Variants in TBC1D4 observed in about 807,000 individuals in gnomAD.
The protein encoded by TBC1D4 is TBC (Tre-2, BUB2, CDC16) domain-containing protein.
A neutral mutation model predicts 142.5 loss-of-function variants in TBC1D4; 121 were observed. The observed-to-expected ratio is 0.85, with a 90% CI of 0.73 to 0.99. The LOEUF is 0.99. Ranked by LOEUF, TBC1D4 falls within the 50% of genes least tolerant of loss-of-function variation. TBC1D4 has a pLI of 0.00. For synonymous variants in TBC1D4, 630 were observed against 628.2 expected (o/e 1.00, Z -0.04); for missense variants, 1,475 against 1,606.6 (o/e 0.92, Z 1.40).
intron 8 of TBC1D4, among the ~76,000 whole-genome samples, chr13:75,330,919 G>A (rs796552607): frequency 6.6e-6 from 1 of 152,104 alleles, no homozygotes; most frequent in Admixed American, 6.5e-5. Flanking sequence ...CTACTTACAC[G>A]CCCACCTGCC....
intron 16 of TBC1D4, 87 bp from the exon 17 acceptor site, chr13:75,299,661 A>G (rs189637577): frequency 2.0e-6 from 3 of 1,487,908 alleles, no homozygotes; most frequent in East Asian, 4.6e-5. Context: ...GACCTCCAAG[A>G]ATAAACAGAC....
intron 8 of TBC1D4, among the ~76,000 whole-genome samples, chr13:75,332,773 T>C (rs1034125577): frequency 6.6e-6 from 1 of 152,224 alleles, no homozygotes; most frequent in Admixed American, 6.5e-5. Flanking sequence ...GCATTCACAA[T>C]TGATCATGCT....
chr13:75,463,668 C>T (rs1304025939), intron 1 of TBC1D4, among the ~76,000 whole-genome samples: 1 of 152,130 alleles, frequency 6.6e-6, no homozygotes, highest in Admixed American at 6.5e-5. Flanking sequence ...TTAGAAATCA[C>T]AATTACTGAT....
chr13:75,356,411 G>A (rs1452780914), intron 3 of TBC1D4, among the ~76,000 whole-genome samples, 160 bp from the exon 4 acceptor site: 1 of 152,130 alleles, frequency 6.6e-6, no homozygotes, highest in Non-Finnish European at 1.5e-5. Flanking sequence ...CTCATGCAGT[G>A]GCCTGTTGAT....
At chr13:75,355,562 A>G (rs190613623) in intron 4 of TBC1D4, among the ~76,000 whole-genome samples, 1 of 152,330 alleles carries the variant, frequency 6.6e-6, no homozygotes, top group Admixed American at 6.5e-5. Context: ...TCTCCTTCAC[A>G]GCAATGAAGG....
At chr13:75,427,523 T>C (rs1406022809) in intron 1 of TBC1D4, among the ~76,000 whole-genome samples, 15 of 152,110 alleles carry the variant, frequency 9.9e-5, no homozygotes, top group Non-Finnish European at 7.3e-5. Flanking sequence ...GTCTCTATTT[T>C]TGAATTAAAT....
intron 14 of TBC1D4, among the ~76,000 whole-genome samples, chr13:75,309,189 T>G (rs2137924268): frequency 6.6e-6 from 1 of 152,280 alleles, no homozygotes; most frequent in South Asian, 2.1e-4. Flanking sequence ...ATTTATACAT[T>G]TTTTTGGATT....
chr13:75,461,527 T>C (rs908904646), intron 1 of TBC1D4, among the ~76,000 whole-genome samples: 1 of 152,260 alleles, frequency 6.6e-6, no homozygotes, highest in Non-Finnish European at 1.5e-5. Context: ...ACTATGATTA[T>C]ATTTCTAAGG....
At chr13:75,374,484 A>G (rs1401379080) in intron 1 of TBC1D4, among the ~76,000 whole-genome samples, 1 of 152,194 alleles carries the variant, frequency 6.6e-6, no homozygotes, top group Non-Finnish European at 1.5e-5. Flanking sequence ...TTTTCAGGGC[A>G]TAATAGCCTT....
chr13:75,362,463 T>C lies in TBC1D4; in HGVS notation c.643A>G (p.Lys215Glu). 1 of 1,614,226 alleles carries C rather than the reference T, an allele frequency of 6.2e-7. No homozygotes were observed. Among genetic ancestry groups the C allele is most frequent in the Non-Finnish European group, 8.5e-7 (1 of 1,180,038 alleles). ...TCGATGAGGCTTGAGGGGGCCTTCT[T>C]GTGGGTCACGGTCACCTTTCCACAG... ...LYCGKVTVTH[K>E]KAPSSLIDDC... Residue 215 changes from lysine (K) to glutamate (E), a missense_variant, in exon 2 of 21, where the codon AAG (lysine) becomes GAG (glutamate). Coordinates refer to ENST00000377636, the MANE Select transcript of TBC1D4 (RefSeq NM_014832.5). The surrounding 1 kb of genome is among the most constrained non-coding windows in gnomAD (Gnocchi z 4.2).
chr13:75,292,362 G>T, intron 18 of TBC1D4, 91 bp from the exon 19 acceptor site: 1 of 1,150,994 alleles, frequency 8.7e-7, no homozygotes, highest in Non-Finnish European at 1.2e-6. Context: ...TTGTTTACTT[G>T]TTTTATGTAT....
At chr13:75,382,653 T>C (rs978734062) in intron 1 of TBC1D4, among the ~76,000 whole-genome samples, 9 of 152,226 alleles carry the variant, frequency 5.9e-5, no homozygotes, top group African/African-American at 2.2e-4. Flanking sequence ...GAATTTTGTT[T>C]TTCAACTGTT....
chr13:75,390,277 CAA>C (rs36168056), intron 1 of TBC1D4, among the ~76,000 whole-genome samples: 78 of 112,266 alleles, frequency 6.9e-4, no homozygotes, highest in African/African-American at 1.8e-3. Context: ...GAGACTCCGT[CAA>C]AAAAAAAAAA....
In TBC1D4 at chr13:75,362,381, T is replaced by C. The variant is rs1180834278; in HGVS notation, c.725A>G (p.Glu242Gly). The C allele has an allele frequency of 4.3e-6, 7 of 1,614,210 alleles. No individual in the cohort carries two copies. Among genetic ancestry groups the C allele is most frequent in the Non-Finnish European group, 5.9e-6 (7 of 1,180,028 alleles). The change falls in exon 2 of 21, where the codon GAG (glutamate) becomes GGG (glycine). Residue 242 changes from glutamate (E) to glycine (G), a missense_variant. By Grantham distance (98) the Glu-to-Gly change is moderately conservative. Around this residue, in one of 2 missense-constraint regions of TBC1D4, gnomAD observed 1,227 missense variants for 1,267.7 expected, o/e 0.97. Transcript: ENST00000377636. The surrounding 1 kb of genome is among the most constrained non-coding windows in gnomAD (Gnocchi z 4.2). ...CTCTCCTGGGTCCGGACCGCGCTGC[T>C]CCCCTTGGATCTTCAGGCGCTGCTG... ...HEQQRLKIQG[E>G]QRGPDPGEDL...
rs1874736869 is a variant in TBC1D4 at position 75,286,906 on chromosome 13, T to C, written c.3783A>G (p.Thr1261=). 6.2e-7 allele frequency: 1 copy of C among 1,613,932 alleles called. No individual in the cohort carries two copies. Among genetic ancestry groups the C allele is most frequent in the South Asian group, 1.1e-5 (1 of 91,084 alleles). The change falls in exon 21 of 21, where the codon ACA becomes ACG. Residue 1261 remains threonine, a synonymous_variant. Transcript: ENST00000377636. ...GCAGCAGCTTCCGGAGTTGCTCCAC[T>C]GTCTTTTGATAAGCCATTTTTTCTT... ...LEQEKMAYQK[T]VEQLRKLLPA...
intron 1 of TBC1D4, among the ~76,000 whole-genome samples, chr13:75,433,631 C>T (rs898328885): frequency 6.6e-6 from 1 of 152,118 alleles, no homozygotes. Flanking sequence ...CTAATACACA[C>T]AATACTCATT....
intron 1 of TBC1D4, among the ~76,000 whole-genome samples, chr13:75,459,925 G>A (rs1202861806): frequency 6.6e-6 from 1 of 152,082 alleles, no homozygotes; most frequent in African/African-American, 2.4e-5. Context: ...GGCGGATCAC[G>A]AGGTCAGGAG....
intron 1 of TBC1D4, among the ~76,000 whole-genome samples, chr13:75,426,146 C>T (rs745329474): frequency 2.0e-5 from 3 of 151,678 alleles, no homozygotes; most frequent in Admixed American, 6.6e-5. Flanking sequence ...GACATTTCTC[C>T]AAAGAAGACA....
Position 75,286,829 on chromosome 13 carries a change from T to A in TBC1D4, c.3860A>T (p.Asn1287Ile). The A allele has an allele frequency of 6.2e-7, 1 of 1,613,876 alleles. No homozygotes were observed. The highest frequency in any genetic ancestry group is 1.1e-5 in the South Asian group (1 of 91,076). The change falls in exon 21 of 21, where the codon AAC becomes ATC. Residue 1287 changes from asparagine to isoleucine, a missense_variant. Around this residue, in one of 2 missense-constraint regions of TBC1D4, gnomAD observed 248 missense variants for 338.9 expected, o/e 0.73. Transcript: ENST00000377636. ...TCCTATCTTGGCTTTGTTGTTAGGG[T>A]TGCAGTTTAGGTCTCTCAGCAACAG... is the stretch of plus-strand genomic sequence containing the variant. ...CDLLLRDLNCNPNNKAKIGNK... is the reference protein window; with the variant it reads ...CDLLLRDLNCIPNNKAKIGNK...
Sources: gnomAD v4.1 joint callset for allele counts (sites outside exome capture counted in the v4.1 genomes callset) on GRCh38, gnomAD v4.1.1 for gene constraint, gnomAD v4.1.1 regional missense constraint, Gnocchi (gnomAD v3.1) non-coding constraint, MANE v1.5 for transcripts, NCBI Gene and HGNC (gene_info 2026-07-23, HGNC 2026-07-21) for gene names.